The following GJD2 variants were observed in gnomAD, a reference collection of about 807,000 sequenced individuals.
The protein encoded by GJD2 is gap junction delta-2 protein.
In GJD2, 12 loss-of-function variants were observed where a neutral mutation model predicts 24.3. The observed-to-expected ratio is 0.49, with a 90% confidence interval of 0.32 to 0.80. The LOEUF is 0.80. Among genes scored for constraint, GJD2 ranks in the 30% least tolerant of loss-of-function variants. The pLI is 0.04. For missense variants in GJD2, 268 were observed against 402.4 expected (o/e 0.67, Z 2.86); for synonymous variants, 171 against 155.2 (o/e 1.10, Z -0.76).
chr15:34,754,512 A>G lies in GJD2; in HGVS notation c.-24T>C. ...ATCGCTGTGCATCCGGAGGCAGCAG[A>G]CAAAGACTGGGCAGCACCGGGCACG... On this transcript the variant is annotated 5_prime_UTR_variant, in exon 1 of 2. Transcript: ENST00000290374. This position sits in a 1 kb window ranked among gnomAD's most constrained non-coding sequence, Gnocchi z 5.9. The G allele has an allele frequency of 2.5e-6, 4 of 1,603,506 alleles. No individual in the cohort carries two copies. The highest frequency in any genetic ancestry group is 3.4e-6 in the Non-Finnish European group (4 of 1,170,334).
rs775571236 is a variant in GJD2 at position 34,753,378 on chromosome 15, C to T, written c.72-6G>A. The T allele has an allele frequency of 1.9e-6, 3 of 1,588,196 alleles. No individual in the cohort carries two copies. Among genetic ancestry groups the T allele is most frequent in the African/African-American group, 2.7e-5 (2 of 74,812 alleles). On this transcript the variant is annotated splice_region_variant and splice_polypyrimidine_tract_variant and intron_variant, in intron 1 of 1. Coordinates refer to ENST00000290374, the MANE Select transcript of GJD2 (RefSeq NM_020660.3). ...CCACCACAGTCAACAGGATCCTGAA[C>T]GGAGGAAGAGGGAGGGAGAGAGGTT...
Position 34,754,271 on chromosome 15 carries a change from C to A in GJD2, c.71+147G>T. ...GGGGCGTCGGGTAATCCCTCATCGC[C>A]GGGAACACCGGAGCCTTGACCTAGG... On this transcript the variant is annotated intron_variant, in intron 1 of 1. Transcript: ENST00000290374. The surrounding 1 kb of genome is among the most constrained non-coding windows in gnomAD (Gnocchi z 5.9). 3.1e-6 allele frequency: 2 copies of A among 645,134 alleles called. No homozygotes were observed. Among genetic ancestry groups the A allele is most frequent in the South Asian group, 1.8e-5 (1 of 54,814 alleles). 40.0% of individuals were successfully genotyped at this position (645,134 alleles called of 1,614,324 possible). A position where few individuals can be genotyped will look rare whatever the true frequency, so the allele number is the denominator to read the frequency against.
At position 34,752,519 on chromosome 15, in the gene GJD2, T is replaced by G; in HGVS notation, c.925A>C (p.Asn309His). The G allele has an allele frequency of 6.2e-7, 1 of 1,614,156 alleles. No homozygotes were observed. Among genetic ancestry groups the G allele is most frequent in the Admixed American group, 1.7e-5 (1 of 60,020 alleles). The change falls in exon 2 of 2, where the codon AAT becomes CAT. Residue 309 changes from asparagine to histidine, a missense_variant. This residue lies in a region of GJD2 where 115 missense variants were observed against 195.2 expected (regional missense o/e 0.59). Transcript: ENST00000290374. ...TCACTGGACTGAGTCCTGCCAAAAT[T>G]GGGAACACTGACCCTTGGCAGGTCC... is the stretch of plus-strand genomic sequence containing the variant. ...NKDLPRVSVPNFGRTQSSDSA... is the reference protein window; with the variant it reads ...NKDLPRVSVPHFGRTQSSDSA...
Position 34,753,333 on chromosome 15 carries a change from A to G in GJD2, c.111T>C (p.Ile37=), listed in dbSNP as rs151198047. The change falls in exon 2 of 2, where the codon ATT becomes ATC. Residue 37 remains isoleucine (I), a synonymous_variant. Coordinates refer to ENST00000290374, the MANE Select transcript of GJD2 (RefSeq NM_020660.3). The part of the protein sequence containing the change: ...LTVVVIFRIL[I]VAIVGETVYD... ...ACACCGTCTCCCCCACAATGGCCAC[A>G]ATGAGGATCCGGAAGATCACCACCA... 1.0e-4 allele frequency: 169 copies of G among 1,609,852 alleles called. No individual in the cohort carries two copies. In the African/African-American group the frequency reaches 2.1e-3, roughly 20 times the overall value.
rs555405730 is a variant in GJD2 at position 34,754,616 on chromosome 15, A to G, written c.-128T>C. ...CTCCCAATTAAAGAAGCAATTTTTT[A>G]AAAAATCCTCGAATCCCCCTTTCCT... On this transcript the variant is annotated 5_prime_UTR_variant, in exon 1 of 2. Transcript: ENST00000290374. This position sits in a 1 kb window ranked among gnomAD's most constrained non-coding sequence, Gnocchi z 5.9. The G allele has an allele frequency of 2.4e-5, 17 of 700,000 alleles. No individual in the cohort carries two copies. In the Middle Eastern group the frequency reaches 1.5e-3, roughly 61 times the overall value. 43.4% of individuals were successfully genotyped at this position (700,000 alleles called of 1,614,324 possible). A position where few individuals can be genotyped will look rare whatever the true frequency, so the allele number is the denominator to read the frequency against.
In GJD2 at chr15:34,753,193, A is replaced by G; in HGVS notation, c.251T>C (p.Ile84Thr). 1 of 1,614,132 alleles carries G rather than the reference A, an allele frequency of 6.2e-7. No individual in the cohort carries two copies. Among genetic ancestry groups the G allele is most frequent in the Non-Finnish European group, 8.5e-7 (1 of 1,180,016 alleles). The change falls in exon 2 of 2, where the codon ATA (isoleucine) becomes ACA (threonine). Residue 84 changes from isoleucine (I) to threonine (T), a missense_variant. By Grantham distance (89) the Ile-to-Thr change is moderately conservative. Transcript: ENST00000290374. ...GCAAAGACTGGGGGTACACACCATT[A>G]TGATCTGGAAGACCCAGTAACGTAT... ...SHIRYWVFQI[I>T]MVCTPSLCFI... is the part of the protein sequence containing the mutation.
In GJD2 at chr15:34,751,276, A is replaced by G. The variant is rs1891099075; in HGVS notation, c.*1202T>C. On this transcript the variant is annotated 3_prime_UTR_variant, in exon 2 of 2. Coordinates refer to ENST00000290374, the MANE Select transcript of GJD2 (RefSeq NM_020660.3). ...AGAAAACATATTGACAGTCCAATGC[A>G]ATAGGTTTTTGAACCTTTGGTATAT... The G allele has an allele frequency of 1.3e-5, 2 of 152,258 alleles. No homozygotes were observed. The highest frequency in any genetic ancestry group is 2.9e-5 in the Non-Finnish European group (2 of 68,052). 9.4% of individuals were successfully genotyped at this position (152,258 alleles called of 1,614,324 possible). A position where few individuals can be genotyped will look rare whatever the true frequency, so the allele number is the denominator to read the frequency against.
At chr15:34,753,442 C>T in intron 1 of GJD2, 70 bp from the exon 2 acceptor site, 1 of 1,396,032 alleles carries the variant, frequency 7.2e-7, no homozygotes, top group Non-Finnish European at 9.8e-7. Flanking sequence ...CCCTGCTCCT[C>T]CCTTCCCTTT....
In GJD2 at chr15:34,752,227, A is replaced by AGGG; in HGVS notation, c.*248_*250dup. 1.9e-6 allele frequency: 1 copy of AGGG among 521,340 alleles called. No individual in the cohort carries two copies. The allele number at this position is 521,340 out of a possible 1,614,324, so 32.3% of individuals were successfully genotyped here. ...GGATCAGGCTAGGCCATAAACAGAA[A>AGGG]GGGACCAAAGAAGTCTAATTGATCC... On this transcript the variant is annotated 3_prime_UTR_variant, in exon 2 of 2. Coordinates refer to ENST00000290374, the MANE Select transcript of GJD2 (RefSeq NM_020660.3).
chr15:34,752,353 A>G lies in GJD2; in HGVS notation c.*125T>C, dbSNP rs1292322340. The G allele has an allele frequency of 1.3e-6, 1 of 789,158 alleles. No individual in the cohort carries two copies. Among genetic ancestry groups the G allele is most frequent in the African/African-American group, 1.7e-5 (1 of 57,276 alleles). The allele number at this position is 789,158 out of a possible 1,614,324, so 48.9% of individuals were successfully genotyped here. On this transcript the variant is annotated 3_prime_UTR_variant, in exon 2 of 2. Coordinates refer to ENST00000290374, the MANE Select transcript of GJD2 (RefSeq NM_020660.3). Reference sequence around the variant, plus strand: ...TCCCATTGGTGCAAAATCTTCTTTTATCCAGTCTTATCCTACATCTTAATG... The same window carrying G: ...TCCCATTGGTGCAAAATCTTCTTTTGTCCAGTCTTATCCTACATCTTAATG...
In GJD2 at chr15:34,752,409, G is replaced by T. The variant is rs201362920; in HGVS notation, c.*69C>A. On this transcript the variant is annotated 3_prime_UTR_variant, in exon 2 of 2. Transcript: ENST00000290374. Reference sequence around the variant, plus strand: ...GGTCACATAAATGAGGGTGGATACAGCCACGTCTGAGCAGTCATCTGCCTT... The same window carrying T: ...GGTCACATAAATGAGGGTGGATACATCCACGTCTGAGCAGTCATCTGCCTT... The T allele has an allele frequency of 1.5e-6, 2 of 1,296,152 alleles. No homozygotes were observed. Among genetic ancestry groups the T allele is most frequent in the Non-Finnish European group, 2.2e-6 (2 of 919,714 alleles). The allele number at this position is 1,296,152 out of a possible 1,614,324, so 80.3% of individuals were successfully genotyped here.
In GJD2 at chr15:34,754,661, A is replaced by G; in HGVS notation, c.-173T>C. The stretch of plus-strand genomic sequence containing the variant: ...TTTCCTTTTATTGTACTTAAAAGAG[A>G]AGAAATGGGGAAAGAAATCCAAGCG... On this transcript the variant is annotated 5_prime_UTR_variant, in exon 1 of 2. Coordinates refer to ENST00000290374, the MANE Select transcript of GJD2 (RefSeq NM_020660.3). This position sits in a 1 kb window ranked among gnomAD's most constrained non-coding sequence, Gnocchi z 5.9. 2 of 610,800 alleles carry G rather than the reference A, an allele frequency of 3.3e-6. No homozygotes were observed. The highest frequency in any genetic ancestry group is 3.0e-6 in the Non-Finnish European group (1 of 333,370). The allele number at this position is 610,800 out of a possible 1,614,324, so 37.8% of individuals were successfully genotyped here.
At position 34,753,078 on chromosome 15, in the gene GJD2, C is replaced by T; in HGVS notation, c.366G>A (p.Glu122=). Residue 122 remains glutamate (E), a synonymous_variant, in exon 2 of 2, where the codon GAG becomes GAA. Transcript: ENST00000290374. ...VFLALDRDPP[E]SIGGPGGTGG... Reference sequence around the variant, plus strand: ...CAGTTCCTCCAGGACCTCCTATGGACTCAGGGGGGTCTCTGTCCAGGGCTA... The same window carrying T: ...CAGTTCCTCCAGGACCTCCTATGGATTCAGGGGGGTCTCTGTCCAGGGCTA... 2 of 1,614,078 alleles carry T rather than the reference C, an allele frequency of 1.2e-6. No individual in the cohort carries two copies. Among genetic ancestry groups the T allele is most frequent in the Non-Finnish European group, 1.7e-6 (2 of 1,180,018 alleles).
rs1891127592 is a variant in GJD2, at chr15:34,752,977, T to C, written c.467A>G (p.Asn156Ser). 1.2e-6 allele frequency: 2 copies of C among 1,614,078 alleles called. No homozygotes were observed. Among genetic ancestry groups the C allele is most frequent in the Middle Eastern group, 1.6e-4 (1 of 6,084 alleles). ...TGTCTCCTTACTGGTGTTCTCTGTG[T>C]TCTGCAGCACCCCATTCACAATAGC... The part of the protein sequence containing the change: ...QNAIVNGVLQ[N>S]TENTSKETEP... The change falls in exon 2 of 2, where the codon AAC (asparagine) becomes AGC (serine). Residue 156 changes from asparagine (N) to serine (S), a missense_variant. By Grantham distance (46) the Asn-to-Ser change is conservative. This residue lies in a region of GJD2 where 87 missense variants were observed against 77.8 expected (regional missense o/e 1.12). Coordinates refer to ENST00000290374, the MANE Select transcript of GJD2 (RefSeq NM_020660.3).
Position 34,752,542 on chromosome 15 carries a change from T to C in GJD2, c.902A>G (p.Asp301Gly), listed in dbSNP as rs896285359. 1 of 1,614,018 alleles carries C rather than the reference T, an allele frequency of 6.2e-7. No homozygotes were observed. The highest frequency in any genetic ancestry group is 1.3e-5 in the African/African-American group (1 of 74,904). Residue 301 changes from aspartate (D) to glycine (G), a missense_variant, in exon 2 of 2, where the codon GAC (aspartate) becomes GGC (glycine). By Grantham distance (94) the Asp-to-Gly change is moderately conservative. Coordinates refer to ENST00000290374, the MANE Select transcript of GJD2 (RefSeq NM_020660.3). ...RKSIYEIRNKDLPRVSVPNFG... is the reference protein window; with the variant it reads ...RKSIYEIRNKGLPRVSVPNFG... ...ATTGGGAACACTGACCCTTGGCAGGTCCTTGTTACGAATCTCATAGATTGA... is the reference window on the plus strand; with the variant it reads ...ATTGGGAACACTGACCCTTGGCAGGCCCTTGTTACGAATCTCATAGATTGA...
rs1891130300 is a variant in GJD2, at chr15:34,753,071, C to T, written c.373G>A (p.Gly125Arg). Reference sequence around the variant, plus strand: ...CCACCCCCAGTTCCTCCAGGACCTCCTATGGACTCAGGGGGGTCTCTGTCC... The same window carrying T: ...CCACCCCCAGTTCCTCCAGGACCTCTTATGGACTCAGGGGGGTCTCTGTCC... ...ALDRDPPESIGGPGGTGGGGS... is the reference protein window; with the variant it reads ...ALDRDPPESIRGPGGTGGGGS... The change falls in exon 2 of 2, where the codon GGA becomes AGA. Residue 125 changes from glycine to arginine, a missense_variant. Transcript: ENST00000290374. The T allele has an allele frequency of 6.2e-7, 1 of 1,613,960 alleles. No individual in the cohort carries two copies. The highest frequency in any genetic ancestry group is 1.7e-5 in the Admixed American group (1 of 59,994).
chr15:34,752,381 G>T lies in GJD2; in HGVS notation c.*97C>A. ...CAGTCTTATCCTACATCTTAATGGTGAGGGTCACATAAATGAGGGTGGATA... is the reference window on the plus strand; with the variant it reads ...CAGTCTTATCCTACATCTTAATGGTTAGGGTCACATAAATGAGGGTGGATA... On this transcript the variant is annotated 3_prime_UTR_variant, in exon 2 of 2. Coordinates refer to ENST00000290374, the MANE Select transcript of GJD2 (RefSeq NM_020660.3). 1 of 959,926 alleles carries T rather than the reference G, an allele frequency of 1.0e-6. No homozygotes were observed. The highest frequency in any genetic ancestry group is 1.6e-6 in the Non-Finnish European group (1 of 635,578). 59.5% of individuals were successfully genotyped at this position (959,926 alleles called of 1,614,324 possible).
Position 34,752,464 on chromosome 15 carries a change from T to C in GJD2, c.*14A>G. 6.2e-7 allele frequency: 1 copy of C among 1,608,400 alleles called. No individual in the cohort carries two copies. The highest frequency in any genetic ancestry group is 8.5e-7 in the Non-Finnish European group (1 of 1,176,170). Reference sequence around the variant, plus strand: ...CTCCTTGCCATCCCCCAGACCTTCATGAAACCTGCCCTCTCACACATAGGC... The same window carrying C: ...CTCCTTGCCATCCCCCAGACCTTCACGAAACCTGCCCTCTCACACATAGGC... On this transcript the variant is annotated 3_prime_UTR_variant, in exon 2 of 2. Transcript: ENST00000290374.
At position 34,752,503 on chromosome 15, in the gene GJD2, T is replaced by A; in HGVS notation, c.941A>T (p.Gln314Leu). ...RVSVPNFGRT[Q>L]SSDSAYV Reference sequence around the variant, plus strand: ...TCACACATAGGCAGAGTCACTGGACTGAGTCCTGCCAAAATTGGGAACACT... The same window carrying A: ...TCACACATAGGCAGAGTCACTGGACAGAGTCCTGCCAAAATTGGGAACACT... The change falls in exon 2 of 2, where the codon CAG (glutamine) becomes CTG (leucine). Residue 314 changes from glutamine (Q) to leucine (L), a missense_variant. Transcript: ENST00000290374. 1 of 1,614,140 alleles carries A rather than the reference T, an allele frequency of 6.2e-7. No individual in the cohort carries two copies. Among genetic ancestry groups the A allele is most frequent in the Non-Finnish European group, 8.5e-7 (1 of 1,179,974 alleles).
Sources: gnomAD v4.1 joint callset for allele counts on GRCh38, gnomAD v4.1.1 for gene constraint, gnomAD v4.1.1 regional missense constraint, Gnocchi (gnomAD v3.1) non-coding constraint, MANE v1.5 for transcripts, NCBI Gene and HGNC (gene_info 2026-07-23, HGNC 2026-07-21) for gene names.